C1orf87: variants seen among roughly 807,000 people sequenced by gnomAD.
C1orf87 encodes the protein chromosome 1 open reading frame 87.
C1orf87 carries 58 observed loss-of-function variants against 60.5 expected under a neutral mutation model. That is an observed-to-expected ratio of 0.96 (90% confidence interval 0.78 to 1.19). The LOEUF is 1.19. Among genes scored for constraint, C1orf87 ranks in the 50% most tolerant of loss-of-function variants. The probability of loss-of-function intolerance (pLI) is 0.00; values close to 1 mark genes in which losing one functional copy is unlikely to be tolerated. For synonymous variants in C1orf87, 236 were observed against 227.4 expected (o/e 1.04, Z -0.34); for missense variants, 673 against 638.6 (o/e 1.05, Z -0.58).
chr1:60,000,917 CCTT>C (rs888550637), intron 10 of C1orf87, among the ~76,000 whole-genome samples, 157 bp downstream of exon 10: 1 of 151,962 alleles, frequency 6.6e-6, no homozygotes, highest in Non-Finnish European at 1.5e-5. Context: ...TCTTTTGCCT[CCTT>C]CTTTGCCCAA....
intron 6 of C1orf87, 62 bp from the exon 7 acceptor site, chr1:60,033,703 T>C: frequency 6.5e-7 from 1 of 1,535,438 alleles, no homozygotes. Flanking sequence ...AGCTGCATGC[T>C]TTCCTACTAC....
chr1:60,058,535 A>T (rs866367251), intron 2 of C1orf87, among the ~76,000 whole-genome samples: 1 of 152,198 alleles, frequency 6.6e-6, no homozygotes, highest in Non-Finnish European at 1.5e-5. Flanking sequence ...CATAAATAAT[A>T]TTATTGCTGA....
chr1:60,055,374 C>T lies in C1orf87; in HGVS notation c.172G>A (p.Ala58Thr). 6.2e-7 allele frequency: 1 copy of T among 1,614,152 alleles called. No homozygotes were observed. ...GGGGTGTCTCTGCTCATCTGCCTTG[C>T]ATTATCAGTCATTGGTTTCTGGTGC... ...TMHQKPMTDNARQMSRDTPVP... is the reference protein window; with the variant it reads ...TMHQKPMTDNTRQMSRDTPVP... Residue 58 changes from alanine (A) to threonine (T), a missense_variant, in exon 3 of 12, where the codon GCA becomes ACA. Coordinates refer to ENST00000371201, the MANE Select transcript of C1orf87 (RefSeq NM_152377.3).
intron 8 of C1orf87, among the ~76,000 whole-genome samples, chr1:60,020,935 G>C (rs1249361766): frequency 6.6e-6 from 1 of 152,108 alleles, no homozygotes; most frequent in Non-Finnish European, 1.5e-5. Context: ...GGAAGGGCCT[G>C]GTGGGAGGTG....
intron 3 of C1orf87, among the ~76,000 whole-genome samples, chr1:60,054,849 T>C (rs767167779): frequency 1.3e-5 from 2 of 152,170 alleles, no homozygotes; most frequent in Non-Finnish European, 2.9e-5. Flanking sequence ...TTTCTTTTTG[T>C]AATGTAAAAG....
At chr1:60,065,385 C>A (rs1250474396) in intron 2 of C1orf87, among the ~76,000 whole-genome samples, 1 of 151,946 alleles carries the variant, frequency 6.6e-6, no homozygotes, top group Non-Finnish European at 1.5e-5. Context: ...TGGTAGCTAA[C>A]CTGGGATAAT....
intron 3 of C1orf87, among the ~76,000 whole-genome samples, chr1:60,045,970 C>T (rs186275280): frequency 6.6e-6 from 1 of 152,276 alleles, no homozygotes. Flanking sequence ...TGTTTAAAAT[C>T]CCCCTGTTGT....
chr1:60,065,882 G>C (rs1645542899), intron 2 of C1orf87, among the ~76,000 whole-genome samples: 1 of 152,070 alleles, frequency 6.6e-6, no homozygotes, highest in Non-Finnish European at 1.5e-5. Flanking sequence ...TTGTGGTTTA[G>C]TTCCAGAGAG....
At chr1:60,043,698 G>A (rs1031471371) in intron 3 of C1orf87, among the ~76,000 whole-genome samples, 1 of 151,982 alleles carries the variant, frequency 6.6e-6, no homozygotes, top group Non-Finnish European at 1.5e-5. Flanking sequence ...ATTTGGCTAG[G>A]TATTTCAGAC....
intron 8 of C1orf87, among the ~76,000 whole-genome samples, chr1:60,015,996 C>T (rs1308707635): frequency 6.6e-6 from 1 of 152,150 alleles, no homozygotes; most frequent in African/African-American, 2.4e-5. Flanking sequence ...AGTGATCCTC[C>T]CACCTCGGCC....
chr1:60,046,861 C>T (rs1011531138), intron 3 of C1orf87, among the ~76,000 whole-genome samples: 27 of 152,196 alleles, frequency 1.8e-4, no homozygotes, highest in African/African-American at 6.3e-4. Context: ...CATTTTCTGG[C>T]ACCCCTATGC....
intron 3 of C1orf87, among the ~76,000 whole-genome samples, chr1:60,046,159 C>G (rs1261900000): frequency 6.8e-6 from 1 of 147,232 alleles, no homozygotes; most frequent in African/African-American, 2.5e-5. Flanking sequence ...TTCTTTCCTT[C>G]CTCTCCTTGC....
chr1:59,992,176 TACAGTACGTTATGGAATGAGGGAA>T (rs1159853584), intron 11 of C1orf87, among the ~76,000 whole-genome samples: 1 of 152,090 alleles, frequency 6.6e-6, no homozygotes, highest in East Asian at 1.9e-4. Context: ...GGTTAACCAC[TACAGTACGTTATGGAATGAGGGAA>T]AAGAGATTGC....
chr1:60,011,447 C>T (rs535256810), intron 8 of C1orf87, among the ~76,000 whole-genome samples: 1 of 151,944 alleles, frequency 6.6e-6, no homozygotes, highest in East Asian at 1.9e-4. Context: ...TTCCCTCCCT[C>T]ACTTCTTCTC....
chr1:60,000,550 C>A (rs1221117079), intron 10 of C1orf87, among the ~76,000 whole-genome samples: 1 of 152,096 alleles, frequency 6.6e-6, no homozygotes, highest in Non-Finnish European at 1.5e-5. Flanking sequence ...TTTTTAAATT[C>A]TGTCTACAAC....
intron 2 of C1orf87, among the ~76,000 whole-genome samples, chr1:60,068,167 C>A (rs1645561462): frequency 6.6e-6 from 1 of 152,142 alleles, no homozygotes; most frequent in South Asian, 2.1e-4. Context: ...CAGTACTCCA[C>A]TGAGTTCTGT....
intron 2 of C1orf87, among the ~76,000 whole-genome samples, chr1:60,057,619 G>T (rs931253641): frequency 2.6e-5 from 4 of 152,166 alleles, no homozygotes; most frequent in African/African-American, 9.7e-5. Context: ...GGAAACCTCA[G>T]GGTTAAGGTT....
At chr1:60,010,054 T>C (rs1645072481) in intron 9 of C1orf87, among the ~76,000 whole-genome samples, 1 of 151,694 alleles carries the variant, frequency 6.6e-6, no homozygotes, top group African/African-American at 2.4e-5. Context: ...AATAAATACC[T>C]AGCTATGAGC....
rs114748113 is a variant in C1orf87, at chr1:60,057,207, C to G, written c.108-1769G>C. Among the ~76,000 whole-genome samples, 277 of 152,226 alleles carry G rather than the reference C, an allele frequency of 1.8e-3. 1 individual carries two copies. The highest frequency in any genetic ancestry group is 6.4e-3 in the African/African-American group (264 of 41,524). ...AGAGAGAGGACAACAGTATTAAATG[C>G]TGCTGAGAAAGGAAATTTCTGAAAA... is the stretch of plus-strand genomic sequence containing the variant. On this transcript the variant is annotated intron_variant, in intron 2 of 11. Coordinates refer to ENST00000371201, the MANE Select transcript of C1orf87 (RefSeq NM_152377.3).
Sources: allele counts gnomAD v4.1 joint callset (sites outside exome capture counted in the v4.1 genomes callset), GRCh38; gene constraint gnomAD v4.1.1; transcripts MANE v1.5; gene names NCBI Gene and HGNC (gene_info 2026-07-23, HGNC 2026-07-21).